B3GLCT: variants seen among roughly 807,000 people sequenced by gnomAD.
The protein encoded by B3GLCT is beta-1,3-glucosyltransferase.
A neutral mutation model predicts 63.4 loss-of-function variants in B3GLCT; 65 were observed. The ratio of observed to expected loss-of-function variants is 1.03; its 90% CI spans 0.84 to 1.26. The LOEUF (loss-of-function observed/expected upper bound fraction) is 1.26. B3GLCT is among the 50% of genes most tolerant of loss of function. B3GLCT has a pLI of 0.00. For synonymous variants in B3GLCT, 233 were observed against 219.2 expected, an observed-to-expected ratio of 1.06 and a Z score of -0.55; for missense variants, 577 against 604.8, an observed-to-expected ratio of 0.95 and a Z score of 0.48.
intron 6 of B3GLCT, among the ~76,000 whole-genome samples, chr13:31,253,102 C>T (rs966198930): frequency 6.6e-6 from 1 of 152,168 alleles, no homozygotes; most frequent in Non-Finnish European, 1.5e-5. Context: ...CAACCTGCTC[C>T]TGAATGACTA....
chr13:31,287,037 C>T (rs1292349316), intron 12 of B3GLCT, among the ~76,000 whole-genome samples: 1 of 152,116 alleles, frequency 6.6e-6, no homozygotes, highest in Non-Finnish European at 1.5e-5. Flanking sequence ...AAACATGAAG[C>T]AAATGAGGTG....
At chr13:31,292,699 C>CTTTTT (rs56038439) in intron 12 of B3GLCT, among the ~76,000 whole-genome samples, 1 of 147,514 alleles carries the variant, frequency 6.8e-6, no homozygotes. Context: ...ATTCTTCTCT[C>CTTTTT]TTTTTTTTTT....
chr13:31,204,815 T>G (rs1019047562), intron 1 of B3GLCT, among the ~76,000 whole-genome samples: 31 of 151,984 alleles, frequency 2.0e-4, no homozygotes, highest in African/African-American at 7.3e-4. Flanking sequence ...TGGGACTGAT[T>G]AGGTTCAGTG....
At chr13:31,297,375 G>GTTTTTTT (rs35163232) in intron 12 of B3GLCT, among the ~76,000 whole-genome samples, 1 of 127,784 alleles carries the variant, frequency 7.8e-6, no homozygotes. Context: ...TATTTTCTGG[G>GTTTTTTT]TTTTTTTTTT....
chr13:31,268,163 C>CT (rs1196973679), intron 7 of B3GLCT, among the ~76,000 whole-genome samples: 4 of 152,118 alleles, frequency 2.6e-5, no homozygotes, highest in African/African-American at 9.7e-5. Context: ...TTTAAAATCA[C>CT]TATTATTTCT....
At chr13:31,231,718 T>C (rs1870388924) in intron 4 of B3GLCT, among the ~76,000 whole-genome samples, 1 of 152,190 alleles carries the variant, frequency 6.6e-6, no homozygotes. Flanking sequence ...GGATAAGGCA[T>C]GTGGGTACGT....
At chr13:31,252,575 C>T (rs1050164703) in intron 6 of B3GLCT, among the ~76,000 whole-genome samples, 3 of 152,090 alleles carry the variant, frequency 2.0e-5, no homozygotes, top group African/African-American at 7.2e-5. Context: ...ATCCTAGTCT[C>T]TGATAAAACA....
chr13:31,215,853 C>T (rs761015363), intron 2 of B3GLCT, among the ~76,000 whole-genome samples: 53 of 152,222 alleles, frequency 3.5e-4, no homozygotes, highest in African/African-American at 8.7e-4. Flanking sequence ...GGGGCCTGGG[C>T]GGGAGACCCA....
rs941843667 is a variant in B3GLCT at position 31,291,586 on chromosome 13, A to G, written c.1064+4767A>G. ...TAGGTATTTTATTCTTGTTGTAGCA[A>G]TTGTGAATGGCAGTTCACTCGTGAT... On this transcript the variant is annotated intron_variant, in intron 12 of 14. Transcript: ENST00000343307. Among the ~76,000 whole-genome samples, 7 of 152,258 alleles carry G rather than the reference A, an allele frequency of 4.6e-5. No individual in the cohort carries two copies. The South Asian group carries it at 1.0e-3, about 23-fold the overall frequency.
At chr13:31,220,343 C>G (rs1167707341) in intron 2 of B3GLCT, among the ~76,000 whole-genome samples, 1 of 152,144 alleles carries the variant, frequency 6.6e-6, no homozygotes, top group African/African-American at 2.4e-5. Context: ...CTTTAATGTG[C>G]CTTTTCCTGG....
chr13:31,266,430 G>A (rs1300513652), intron 7 of B3GLCT, among the ~76,000 whole-genome samples: 7 of 152,186 alleles, frequency 4.6e-5, no homozygotes, highest in Non-Finnish European at 1.0e-4. Context: ...GGAATTTCTG[G>A]CTTTCATTGG....
chr13:31,275,866 AG>A (rs1852821129), intron 9 of B3GLCT, among the ~76,000 whole-genome samples: 1 of 152,120 alleles, frequency 6.6e-6, no homozygotes, highest in Non-Finnish European at 1.5e-5. Flanking sequence ...GCAGTTCCAG[AG>A]GGGGAGACCA....
intron 1 of B3GLCT, among the ~76,000 whole-genome samples, chr13:31,209,844 TC>T (rs1479667623): frequency 3.3e-5 from 5 of 152,224 alleles, no homozygotes; most frequent in Non-Finnish European, 5.9e-5. Flanking sequence ...TTTTTACTGT[TC>T]CGTTTGGTTT....
Position 31,286,733 on chromosome 13 carries a change from G to A in B3GLCT, c.978G>A (p.Lys326=). The A allele has an allele frequency of 6.2e-7, 1 of 1,611,862 alleles. No homozygotes were observed. Among genetic ancestry groups the A allele is most frequent in the Non-Finnish European group, 8.5e-7 (1 of 1,178,178 alleles). The change falls in exon 12 of 15, where the codon AAG becomes AAA. Residue 326 remains lysine (K), a synonymous_variant. Transcript: ENST00000343307. ...IPNTDRGHCG[K]TFAILERFLN... is the part of the protein sequence containing the mutation. ...TGCCTTTTCTAGGTCATTGTGGAAA[G>A]ACATTTGCCATTTTGGAAAGATTTC... is the stretch of plus-strand genomic sequence containing the variant.
intron 12 of B3GLCT, among the ~76,000 whole-genome samples, chr13:31,295,249 C>T (rs774105116): frequency 1.2e-4 from 19 of 152,280 alleles, no homozygotes; most frequent in East Asian, 1.9e-4. Flanking sequence ...AGGAGTCTGT[C>T]GGCCCCTCCT....
At chr13:31,247,715 T>C in intron 5 of B3GLCT, 140 bp from the exon 6 acceptor site, 1 of 552,672 alleles carries the variant, frequency 1.8e-6, no homozygotes, top group African/African-American at 1.9e-5. Flanking sequence ...GGCTTTTCTA[T>C]AAGCTGAAGA....
intron 2 of B3GLCT, among the ~76,000 whole-genome samples, chr13:31,215,538 C>G (rs1229290852): frequency 1.3e-5 from 2 of 152,132 alleles, no homozygotes; most frequent in African/African-American, 4.8e-5. Context: ...CTCAGCCTCC[C>G]CAGTAGCTGG....
intron 1 of B3GLCT, among the ~76,000 whole-genome samples, chr13:31,213,313 G>T (rs1869372797): frequency 6.6e-6 from 1 of 152,166 alleles, no homozygotes; most frequent in Non-Finnish European, 1.5e-5. Flanking sequence ...TATTCCTGGT[G>T]GGGTGGTGGC....
At chr13:31,297,025 GT>G (rs79964378) in intron 12 of B3GLCT, among the ~76,000 whole-genome samples, 208 of 142,582 alleles carry the variant, frequency 1.5e-3, no homozygotes, top group East Asian at 3.7e-3. Flanking sequence ...TACAGTACTT[GT>G]TTTTTTTTTT....
Sources: allele counts gnomAD v4.1 joint callset (sites outside exome capture counted in the v4.1 genomes callset), GRCh38; gene constraint gnomAD v4.1.1; transcripts MANE v1.5; gene names NCBI Gene and HGNC (gene_info 2026-07-23, HGNC 2026-07-21).